The following KIAA1549L variants were observed in gnomAD, a reference collection of about 807,000 sequenced individuals.
The protein encoded by KIAA1549L is UPF0606 protein KIAA1549L.
Under a neutral mutation model 160.7 loss-of-function variants are expected in KIAA1549L, and 88 were observed. That is an observed-to-expected ratio of 0.55 (90% CI 0.46 to 0.65). The LOEUF (loss-of-function observed/expected upper bound fraction) is 0.65, where lower values mean the gene tolerates loss of function less well. Among genes scored for constraint, KIAA1549L ranks in the 30% least tolerant of loss-of-function variants. The probability of loss-of-function intolerance (pLI) is 0.00; values close to 1 mark genes in which losing one functional copy is unlikely to be tolerated. For missense variants in KIAA1549L, 2,258 were observed against 2,437.5 expected, an observed-to-expected ratio of 0.93 and a Z score of 1.55; for synonymous variants, 950 against 976.7, an observed-to-expected ratio of 0.97 and a Z score of 0.51.
rs554623501 is a variant in KIAA1549L, at chr11:33,521,978, CCTTATT to C, written c.239-19820_239-19815del. ...CAAATTTAAATTTAATGTAGATAGA[CCTTATT>C]CTTTTATGTCAAATGAGAGACAGTG... On this transcript the variant is annotated intron_variant, in intron 1 of 20. Coordinates refer to ENST00000658780, the MANE Select transcript of KIAA1549L (RefSeq NM_012194.3). Among the ~76,000 whole-genome samples the C allele has an allele frequency of 1.2e-3, 180 of 152,206 alleles. No homozygotes were observed. The South Asian group carries it at 0.025, about 21-fold the overall frequency.
In KIAA1549L at chr11:33,542,998, C is replaced by G. The variant is rs1294784457; in HGVS notation, c.1435C>G (p.Leu479Val). The G allele has an allele frequency of 1.2e-6, 2 of 1,614,014 alleles. No homozygotes were observed. The highest frequency in any genetic ancestry group is 1.1e-5 in the South Asian group (1 of 91,088). The change falls in exon 2 of 21, where the codon CTG becomes GTG. Residue 479 changes from leucine (L) to valine (V), a missense_variant. By Grantham distance (32) the Leu-to-Val change is conservative. Transcript: ENST00000658780. ...SLVPSLHITT[L>V]GQEQAILSGA... ...GGTGCCTTCTCTGCATATCACCACACTGGGTCAAGAGCAAGCCATCCTTTC... is the reference window on the plus strand; with the variant it reads ...GGTGCCTTCTCTGCATATCACCACAGTGGGTCAAGAGCAAGCCATCCTTTC...
intron 1 of KIAA1549L, among the ~76,000 whole-genome samples, chr11:33,480,544 T>C (rs1852389441): frequency 6.6e-6 from 1 of 152,208 alleles, no homozygotes; most frequent in Non-Finnish European, 1.5e-5. Flanking sequence ...TTTAGAAGTG[T>C]AATTCATGGG....
At chr11:33,421,307 G>T (rs1851006783) in intron 1 of KIAA1549L, among the ~76,000 whole-genome samples, 1 of 152,152 alleles carries the variant, frequency 6.6e-6, no homozygotes, top group Non-Finnish European at 1.5e-5. Flanking sequence ...ATGGGGTGGG[G>T]GTGAGCAGAT....
intron 15 of KIAA1549L, among the ~76,000 whole-genome samples, chr11:33,617,938 G>A (rs1470142123): frequency 1.3e-5 from 2 of 152,160 alleles, no homozygotes; most frequent in African/African-American, 4.8e-5. Context: ...TGGATGGATG[G>A]ATAGGTGGGT....
chr11:33,446,086 A>G (rs1011658076), intron 1 of KIAA1549L, among the ~76,000 whole-genome samples: 2 of 150,346 alleles, frequency 1.3e-5, no homozygotes, highest in African/African-American at 4.9e-5. Flanking sequence ...ATGGAGGGCA[A>G]AAGTCCTGTC....
intron 1 of KIAA1549L, among the ~76,000 whole-genome samples, chr11:33,467,488 G>C (rs1852087609): frequency 6.6e-6 from 1 of 152,190 alleles, no homozygotes; most frequent in Non-Finnish European, 1.5e-5. Context: ...TTGCTTGGTT[G>C]GTGTAGAAGT....
chr11:33,430,745 GTC>G (rs1851220761), intron 1 of KIAA1549L, among the ~76,000 whole-genome samples: 2 of 152,180 alleles, frequency 1.3e-5, no homozygotes, highest in African/African-American at 4.8e-5. Context: ...ACCTCAACCT[GTC>G]AGAAGCAGCC....
At position 33,376,405 on chromosome 11, in the gene KIAA1549L, G is replaced by A. The variant is rs1454210740; in HGVS notation, c.-247G>A. ...GCGCCGGCGCGCGGCGACAGGCACCGTGGGAACCCCGGCCCGCACCCGCCG... is the reference window on the plus strand; with the variant it reads ...GCGCCGGCGCGCGGCGACAGGCACCATGGGAACCCCGGCCCGCACCCGCCG... On this transcript the variant is annotated 5_prime_UTR_variant, in exon 1 of 21. It adds an upstream start codon to the 5' untranslated region. Transcript: ENST00000658780. This position sits in a 1 kb window ranked among gnomAD's most constrained non-coding sequence, Gnocchi z 5.8. 2.0e-5 allele frequency: 3 copies of A among 147,234 alleles called. No homozygotes were observed. In the South Asian group the frequency reaches 6.2e-4, roughly 31 times the overall value. The allele number at this position is 147,234 out of a possible 1,614,324, so 9.1% of individuals were successfully genotyped here.
At chr11:33,448,997 C>T (rs1851670067) in intron 1 of KIAA1549L, among the ~76,000 whole-genome samples, 1 of 152,134 alleles carries the variant, frequency 6.6e-6, no homozygotes, top group African/African-American at 2.4e-5. Context: ...TCAAAGAATA[C>T]ATCCTCTGGG....
In KIAA1549L at chr11:33,530,805, C is replaced by A. The variant is rs140218017; in HGVS notation, c.239-10997C>A. ...AATTTATAATCAAGCTGTATTGTAA[C>A]AGTCGAGGATTGGTAAACAAATTAT... On this transcript the variant is annotated intron_variant, in intron 1 of 20. Transcript: ENST00000658780. Among the ~76,000 whole-genome samples, 9 of 152,174 alleles carry A rather than the reference C, an allele frequency of 5.9e-5. 1 individual carries two copies. Among genetic ancestry groups the A allele is most frequent in the South Asian group, 2.1e-4 (1 of 4,820 alleles).
intron 1 of KIAA1549L, among the ~76,000 whole-genome samples, chr11:33,478,498 C>G (rs1852341206): frequency 6.6e-6 from 1 of 152,214 alleles, no homozygotes; most frequent in Admixed American, 6.5e-5. Flanking sequence ...ATGGGCTCCG[C>G]CTGCAGAAGG....
intron 16 of KIAA1549L, among the ~76,000 whole-genome samples, chr11:33,633,383 G>A (rs1395750338): frequency 2.0e-5 from 3 of 151,886 alleles, no homozygotes; most frequent in African/African-American, 2.4e-5. Context: ...CTGTGAGCTC[G>A]GGAAGTCCAG....
chr11:33,453,642 G>A (rs957936185), intron 1 of KIAA1549L, among the ~76,000 whole-genome samples: 1 of 152,150 alleles, frequency 6.6e-6, no homozygotes. Context: ...AGTTGTCGGG[G>A]TGATAGGCAT....
At chr11:33,660,521 C>T (rs1043999429) in intron 19 of KIAA1549L, among the ~76,000 whole-genome samples, 8 of 151,712 alleles carry the variant, frequency 5.3e-5, no homozygotes, top group South Asian at 2.1e-4. Flanking sequence ...GCCAAGATCG[C>T]GACACTGCAC....
At chr11:33,466,857 A>C (rs562338444) in intron 1 of KIAA1549L, among the ~76,000 whole-genome samples, 111 of 152,084 alleles carry the variant, frequency 7.3e-4, no homozygotes, top group Non-Finnish European at 1.2e-3. Flanking sequence ...TCTCAGCAAA[A>C]TATCACAAGG....
chr11:33,586,744 T>C (rs1251922749), intron 11 of KIAA1549L, among the ~76,000 whole-genome samples: 2 of 152,126 alleles, frequency 1.3e-5, no homozygotes, highest in Admixed American at 6.5e-5. Context: ...ATCTATAGGA[T>C]ACCTATAGGA....
At chr11:33,398,762 C>G (rs1850437426) in intron 1 of KIAA1549L, among the ~76,000 whole-genome samples, 1 of 152,164 alleles carries the variant, frequency 6.6e-6, no homozygotes, top group Non-Finnish European at 1.5e-5. Context: ...GTGTACATGC[C>G]TTTTACAAAT....
chr11:33,506,822 T>C (rs1050369924), intron 1 of KIAA1549L, among the ~76,000 whole-genome samples: 2 of 152,154 alleles, frequency 1.3e-5, no homozygotes, highest in African/African-American at 4.8e-5. Context: ...TTACTTGATA[T>C]TTGGGTTCTA....
intron 10 of KIAA1549L, among the ~76,000 whole-genome samples, chr11:33,583,019 G>T (rs1410516763): frequency 1.3e-5 from 2 of 152,170 alleles, no homozygotes; most frequent in Non-Finnish European, 2.9e-5. Flanking sequence ...GGGGAAAATT[G>T]TTACTGATCC....
Sources: gnomAD v4.1 joint callset for allele counts (sites outside exome capture counted in the v4.1 genomes callset) on GRCh38, gnomAD v4.1.1 for gene constraint, Gnocchi (gnomAD v3.1) non-coding constraint, MANE v1.5 for transcripts, NCBI Gene and HGNC (gene_info 2026-07-23, HGNC 2026-07-21) for gene names.